The following NDUFB3 variants were observed in gnomAD, a reference collection of about 807,000 sequenced individuals.
NDUFB3 encodes NADH dehydrogenase [ubiquinone] 1 beta subcomplex subunit 3.
Under a neutral mutation model 9.0 loss-of-function variants are expected in NDUFB3, and 7 were observed. The observed-to-expected ratio is 0.78, with a 90% CI of 0.44 to 1.46. The LOEUF is 1.46. Among genes scored for constraint, NDUFB3 ranks in the 40% most tolerant of loss-of-function variants. NDUFB3 has a pLI of 0.01. For missense variants in NDUFB3, 93 were observed against 115.4 expected, an observed-to-expected ratio of 0.81 and a Z score of 0.89; for synonymous variants, 29 against 38.5, an observed-to-expected ratio of 0.75 and a Z score of 0.91.
In NDUFB3 at chr2:201,085,715, T is replaced by C; in HGVS notation, c.*100T>C. The C allele has an allele frequency of 1.1e-6, 1 of 926,534 alleles. No individual in the cohort carries two copies. Among genetic ancestry groups the C allele is most frequent in the Non-Finnish European group, 1.5e-6 (1 of 647,394 alleles). 57.4% of individuals were successfully genotyped at this position (926,534 alleles called of 1,614,324 possible). On this transcript the variant is annotated 3_prime_UTR_variant, in exon 3 of 3. Transcript: ENST00000237889. ...TGGTTTATCCCTTACAGAATATTAG[T>C]AAGATTTAATCAATTAAAATATATA...
chr2:201,085,160 G>A (rs1218709807), intron 2 of NDUFB3, among the ~76,000 whole-genome samples: 2 of 152,216 alleles, frequency 1.3e-5, no homozygotes, highest in Non-Finnish European at 2.9e-5. Context: ...TGTGGGCAGA[G>A]CCCATCTGAC....
At chr2:201,074,454 C>CTT (rs370282012) in intron 1 of NDUFB3, among the ~76,000 whole-genome samples, 7,534 of 113,106 alleles carry the variant, frequency 0.067, 701 homozygotes, top group African/African-American at 0.16. Flanking sequence ...ATATGTTCAG[C>CTT]TTTTTTTTTT....
chr2:201,084,695 G>A (rs2047268699), intron 2 of NDUFB3, among the ~76,000 whole-genome samples: 1 of 152,154 alleles, frequency 6.6e-6, no homozygotes, highest in Admixed American at 6.6e-5. Flanking sequence ...TTCTGTAGCT[G>A]CTTTTCTTCT....
intron 1 of NDUFB3, among the ~76,000 whole-genome samples, chr2:201,076,614 T>A (rs890003287): frequency 9.2e-5 from 14 of 151,466 alleles, no homozygotes; most frequent in African/African-American, 3.4e-4. Flanking sequence ...AATTTTTTTC[T>A]CATATCTTGG....
chr2:201,077,460 G>T (rs1288792359), intron 1 of NDUFB3, among the ~76,000 whole-genome samples: 1 of 152,144 alleles, frequency 6.6e-6, no homozygotes, highest in Non-Finnish European at 1.5e-5. Context: ...CAAATTTATT[G>T]ATTAAAAAGG....
chr2:201,085,322 G>C (rs2125540098), intron 2 of NDUFB3, 137 bp from the exon 3 acceptor site: 2 of 578,534 alleles, frequency 3.5e-6, no homozygotes, highest in East Asian at 5.9e-5. Context: ...GCCACAGAAA[G>C]ATTCCTATTG....
At chr2:201,081,062 A>G (rs764871178) in intron 2 of NDUFB3, among the ~76,000 whole-genome samples, 10 of 152,068 alleles carry the variant, frequency 6.6e-5, no homozygotes, top group Non-Finnish European at 1.5e-4. Context: ...TTTTACATAT[A>G]AACTTTGGAA....
chr2:201,072,491 C>T (rs2125527229), intron 1 of NDUFB3: 1 of 152,224 alleles, frequency 6.6e-6, no homozygotes, highest in East Asian at 1.9e-4. Context: ...GTAGCATTAT[C>T]TTCTTATTTC....
At chr2:201,075,267 A>AT (rs2047150979) in intron 1 of NDUFB3, among the ~76,000 whole-genome samples, 1 of 151,800 alleles carries the variant, frequency 6.6e-6, no homozygotes, top group African/African-American at 2.4e-5. Context: ...TTGAAAAGTC[A>AT]TTTATATGTT....
intron 2 of NDUFB3, among the ~76,000 whole-genome samples, chr2:201,081,139 A>T (rs1031764535): frequency 5.9e-5 from 9 of 152,146 alleles, no homozygotes; most frequent in Non-Finnish European, 7.4e-5. Flanking sequence ...AATCTGTTTC[A>T]CATAGATTCA....
chr2:201,082,874 C>T (rs577387336), intron 2 of NDUFB3, among the ~76,000 whole-genome samples: 303 of 150,702 alleles, frequency 2.0e-3, no homozygotes, highest in Middle Eastern at 0.01. Context: ...CCACCGCGCC[C>T]GGCTAATTTT....
At position 201,079,023 on chromosome 2, in the gene NDUFB3, G is replaced by A. The variant is rs2047196841; in HGVS notation, c.140+1G>A. 1 of 1,605,830 alleles carries A rather than the reference G, an allele frequency of 6.2e-7. No individual in the cohort carries two copies. The highest frequency in any genetic ancestry group is 1.1e-5 in the South Asian group (1 of 89,210). On this transcript the variant is annotated splice_donor_variant, in intron 2 of 2. Transcript: ENST00000237889. LOFTEE classifies it high-confidence loss of function. The stretch of plus-strand genomic sequence containing the variant: ...AAGGGCTAAGGGATCCATGGGGCCG[G>A]TAAGATGAATTAAGTAATTTAGATA...
At chr2:201,080,330 A>G (rs988876826) in intron 2 of NDUFB3, among the ~76,000 whole-genome samples, 1 of 152,204 alleles carries the variant, frequency 6.6e-6, no homozygotes, top group Non-Finnish European at 1.5e-5. Flanking sequence ...GCACATTGGG[A>G]AGCCAAGGCA....
At chr2:201,075,692 G>GTA (rs2125532035) in intron 1 of NDUFB3, among the ~76,000 whole-genome samples, 1 of 152,044 alleles carries the variant, frequency 6.6e-6, no homozygotes, top group South Asian at 2.1e-4. Flanking sequence ...AGAAATGAGG[G>GTA]TATGTACGCT....
At chr2:201,084,687 C>A (rs962489403) in intron 2 of NDUFB3, among the ~76,000 whole-genome samples, 21 of 152,162 alleles carry the variant, frequency 1.4e-4, no homozygotes, top group Non-Finnish European at 7.4e-5. Flanking sequence ...GGATAGTATT[C>A]TGTAGCTGCT....
chr2:201,074,805 G>C (rs2047142623), intron 1 of NDUFB3, among the ~76,000 whole-genome samples: 1 of 152,104 alleles, frequency 6.6e-6, no homozygotes, highest in African/African-American at 2.4e-5. Flanking sequence ...GTTGTGCTTA[G>C]TTACATTCTC....
At chr2:201,072,246 T>G (rs2047085427) in intron 1 of NDUFB3, 187 bp downstream of exon 1, 1 of 152,174 alleles carries the variant, frequency 6.6e-6, no homozygotes, top group Admixed American at 6.6e-5. Context: ...GGTTGGAGGA[T>G]TCAGTGATCA....
intron 1 of NDUFB3, among the ~76,000 whole-genome samples, chr2:201,077,716 G>C (rs371200106): frequency 1.3e-5 from 2 of 152,020 alleles, no homozygotes; most frequent in African/African-American, 4.8e-5. Context: ...TTTGTAGTCA[G>C]TTACTTACTA....
At chr2:201,073,784 G>GA (rs1559147147) in intron 1 of NDUFB3, among the ~76,000 whole-genome samples, 1 of 149,610 alleles carries the variant, frequency 6.7e-6, no homozygotes, top group African/African-American at 2.5e-5. Context: ...AAAAAAATTT[G>GA]TTTTTTTTTA....
Sources: gnomAD v4.1 joint callset for allele counts (sites outside exome capture counted in the v4.1 genomes callset) on GRCh38, gnomAD v4.1.1 for gene constraint, MANE v1.5 for transcripts, NCBI Gene and HGNC (gene_info 2026-07-23, HGNC 2026-07-21) for gene names.